DCAF7: variants seen among roughly 807,000 people sequenced by gnomAD.
DCAF7 encodes the protein DDB1 and CUL4 associated factor 7.
In DCAF7, 4 loss-of-function variants were observed where a neutral mutation model predicts 41.2. That is an observed-to-expected ratio of 0.10 (90% confidence interval 0.05 to 0.22). The LOEUF (loss-of-function observed/expected upper bound fraction) is 0.22, where lower values mean the gene tolerates loss of function less well. Ranked by LOEUF, DCAF7 falls within the 10% of genes least tolerant of loss-of-function variation. The pLI is 1.00. For missense variants in DCAF7, 131 were observed against 443.2 expected (o/e 0.30, Z 6.32); for synonymous variants, 143 against 164.2 (o/e 0.87, Z 0.99).
chr17:63,558,506 C>T (rs1254526432), intron 1 of DCAF7, among the ~76,000 whole-genome samples: 5 of 152,166 alleles, frequency 3.3e-5, no homozygotes, highest in African/African-American at 1.2e-4. Flanking sequence ...ATGTCAGTGT[C>T]CCTAAACTTA....
chr17:63,589,779 GCCCCTGGCC>G lies in DCAF7; in HGVS notation c.*610_*618del, dbSNP rs2033715496. 6.0e-6 allele frequency: 1 copy of G among 166,262 alleles called. No individual in the cohort carries two copies. Among genetic ancestry groups the G allele is most frequent in the Non-Finnish European group, 1.3e-5 (1 of 76,644 alleles). The allele number at this position is 166,262 out of a possible 1,614,324, so 10.3% of individuals were successfully genotyped here. A position where few individuals can be genotyped will look rare whatever the true frequency, so the allele number is the denominator to read the frequency against. On this transcript the variant is annotated 3_prime_UTR_variant, in exon 7 of 7. Transcript: ENST00000614556. ...CCTCAGTGCCTGGAGCTGGTACTGG[GCCCCTGGCC>G]CCATGAGCAGTTTGCCTTCTTGAGT... is the stretch of plus-strand genomic sequence containing the variant.
intron 1 of DCAF7, among the ~76,000 whole-genome samples, chr17:63,559,457 A>ATTTTTT (rs34722097): frequency 7.3e-6 from 1 of 137,606 alleles, no homozygotes; most frequent in African/African-American, 2.8e-5. Flanking sequence ...ATATATATAT[A>ATTTTTT]TTTTTAATAA....
intron 1 of DCAF7, among the ~76,000 whole-genome samples, chr17:63,554,386 A>G (rs945663580): frequency 6.6e-6 from 1 of 152,274 alleles, no homozygotes; most frequent in Non-Finnish European, 1.5e-5. Flanking sequence ...GATAGGTGAC[A>G]GACACACTAG....
In DCAF7 at chr17:63,583,557, T is replaced by C. The variant is rs771179636; in HGVS notation, c.584T>C (p.Val195Ala). 6.2e-7 allele frequency: 1 copy of C among 1,613,974 alleles called. No individual in the cohort carries two copies. Among genetic ancestry groups the C allele is most frequent in the South Asian group, 1.1e-5 (1 of 91,074 alleles). ...AGGGRDMFASVGADGSVRMFD... is the reference protein window; with the variant it reads ...AGGGRDMFASAGADGSVRMFD... ...GGTGGCAGGGACATGTTTGCCTCTGTGGGTGCTGATGGCTCGGTGCGGATG... is the reference window on the plus strand; with the variant it reads ...GGTGGCAGGGACATGTTTGCCTCTGCGGGTGCTGATGGCTCGGTGCGGATG... Residue 195 changes from valine (V) to alanine (A), a missense_variant, in exon 5 of 7, where the codon GTG becomes GCG. Val to Ala is a moderately conservative substitution (Grantham distance 64). Coordinates refer to ENST00000614556, the MANE Select transcript of DCAF7 (RefSeq NM_005828.5).
rs147924302 is a variant in DCAF7, at chr17:63,559,142, T to C, written c.138+8327T>C. The stretch of plus-strand genomic sequence containing the variant: ...CTGGCCAACATAGTGAAAGCCCGTC[T>C]CTACTAAAAATACGAAAAATTAGCC... On this transcript the variant is annotated intron_variant, in intron 1 of 6. Coordinates refer to ENST00000614556, the MANE Select transcript of DCAF7 (RefSeq NM_005828.5). 3.1e-3 allele frequency among the ~76,000 whole-genome samples: 466 copies of C among 151,206 alleles called. 10 individuals carry two copies. The highest frequency in any genetic ancestry group is 0.022 in the Admixed American group (336 of 15,126).
At chr17:63,559,399 G>GTGTATATATATACGTA in intron 1 of DCAF7, among the ~76,000 whole-genome samples, 1 of 88,098 alleles carries the variant, frequency 1.1e-5, no homozygotes, top group Non-Finnish European at 2.4e-5. Context: ...ATATATATAT[G>GTGTATATATATACGTA]TATATATATG....
chr17:63,583,722 C>G lies in DCAF7; in HGVS notation c.738+11C>G, dbSNP rs777532349. On this transcript the variant is annotated intron_variant, in intron 5 of 6. Coordinates refer to ENST00000614556, the MANE Select transcript of DCAF7 (RefSeq NM_005828.5). ...ATGGATGGAATGGAGGTGAGCACTC[C>G]TCTCAGGCTACCATGGGCCCTGCCT... 14 of 1,613,100 alleles carry G rather than the reference C, an allele frequency of 8.7e-6. No homozygotes were observed. The highest frequency in any genetic ancestry group is 1.0e-5 in the Non-Finnish European group (12 of 1,179,356).
intron 4 of DCAF7, among the ~76,000 whole-genome samples, chr17:63,582,580 T>A (rs1393773702): frequency 6.6e-6 from 1 of 152,094 alleles, no homozygotes; most frequent in Non-Finnish European, 1.5e-5. Flanking sequence ...GCGATTCTCC[T>A]GCCTTAGCCT....
intron 1 of DCAF7, among the ~76,000 whole-genome samples, chr17:63,555,589 G>A (rs1050214174): frequency 3.9e-5 from 6 of 152,114 alleles, no homozygotes; most frequent in African/African-American, 1.4e-4. Context: ...ATACTCATGT[G>A]TTTTAGGCAC....
chr17:63,587,146 G>C (rs545495796), intron 6 of DCAF7, among the ~76,000 whole-genome samples: 4 of 152,034 alleles, frequency 2.6e-5, no homozygotes, highest in Non-Finnish European at 5.9e-5. Context: ...GTTTGTTATG[G>C]AGCCCAAGAA....
intron 6 of DCAF7, among the ~76,000 whole-genome samples, chr17:63,587,864 T>A (rs192781385): frequency 5.6e-4 from 85 of 151,720 alleles, no homozygotes; most frequent in Admixed American, 1.6e-3. Flanking sequence ...TTCATGCCTG[T>A]AATCCCAGCA....
chr17:63,557,149 T>C (rs1452190556), intron 1 of DCAF7, among the ~76,000 whole-genome samples: 1 of 152,154 alleles, frequency 6.6e-6, no homozygotes, highest in East Asian at 1.9e-4. Context: ...AAAGATGTCT[T>C]TAGCTTGGTT....
intron 2 of DCAF7, among the ~76,000 whole-genome samples, chr17:63,579,064 T>G (rs2033592258): frequency 6.6e-6 from 1 of 152,184 alleles, no homozygotes; most frequent in Admixed American, 6.5e-5. Context: ...GTGGCCTTAG[T>G]ACACCTGTGC....
chr17:63,585,750 G>A (rs996409435), intron 6 of DCAF7, among the ~76,000 whole-genome samples: 4 of 152,148 alleles, frequency 2.6e-5, no homozygotes, highest in South Asian at 2.1e-4. Flanking sequence ...TGGATGCATC[G>A]GAGGGCCCCA....
chr17:63,550,796 TGGA>T lies in DCAF7; in HGVS notation c.124_126del (p.Glu42del). 1 of 1,613,784 alleles carries T rather than the reference TGGA, an allele frequency of 6.2e-7. No homozygotes were observed. The highest frequency in any genetic ancestry group is 8.5e-7 in the Non-Finnish European group (1 of 1,179,802). On this transcript the variant is annotated inframe_deletion, in exon 1 of 7. Transcript: ENST00000614556. This position sits in a 1 kb window ranked among gnomAD's most constrained non-coding sequence, Gnocchi z 4.8. ...TTTCGCTTGGCGCTGGGCAGCTTCG[TGGA>T]GGAGTACAACAACAAGGTGGGCCGG...
intron 1 of DCAF7, among the ~76,000 whole-genome samples, chr17:63,567,635 G>T (rs192192880): frequency 9.2e-5 from 14 of 152,326 alleles, no homozygotes; most frequent in African/African-American, 1.9e-4. Flanking sequence ...TTTTGTAACA[G>T]TACATGAGAT....
At chr17:63,582,536 T>G (rs1414576788) in intron 4 of DCAF7, among the ~76,000 whole-genome samples, 4 of 151,880 alleles carry the variant, frequency 2.6e-5, no homozygotes, top group African/African-American at 9.7e-5. Context: ...TGGCCTGATC[T>G]CAGCTCACTG....
In DCAF7 at chr17:63,579,996, A is replaced by G. The variant is rs917087844; in HGVS notation, c.528+53A>G. On this transcript the variant is annotated intron_variant, in intron 4 of 6. Transcript: ENST00000614556. The stretch of plus-strand genomic sequence containing the variant: ...CTCAAATGCTTCCTGTGCCTTCCGC[A>G]CAGGAAGAGGTCAGCTTGTTCTCTC... The G allele has an allele frequency of 2.9e-6, 4 of 1,381,370 alleles. No homozygotes were observed. In the African/African-American group the frequency reaches 5.7e-5, roughly 20 times the overall value. The allele number at this position is 1,381,370 out of a possible 1,614,324, so 85.6% of individuals were successfully genotyped here. A position where few individuals can be genotyped will look rare whatever the true frequency, so the allele number is the denominator to read the frequency against.
chr17:63,567,641 G>C (rs1157797399), intron 1 of DCAF7, among the ~76,000 whole-genome samples: 1 of 152,160 alleles, frequency 6.6e-6, no homozygotes, highest in Non-Finnish European at 1.5e-5. Flanking sequence ...AACAGTACAT[G>C]AGATTTTATT....
Sources: gnomAD v4.1 joint callset for allele counts (sites outside exome capture counted in the v4.1 genomes callset) on GRCh38, gnomAD v4.1.1 for gene constraint, Gnocchi (gnomAD v3.1) non-coding constraint, MANE v1.5 for transcripts, NCBI Gene and HGNC (gene_info 2026-07-23, HGNC 2026-07-21) for gene names.